The following ATG10 variants were observed in gnomAD, a reference collection of about 807,000 sequenced individuals.
ATG10 encodes the protein ubiquitin-like-conjugating enzyme ATG10.
A neutral mutation model predicts 32.1 loss-of-function variants in ATG10; 30 were observed. That is an observed-to-expected ratio of 0.94 (90% CI 0.70 to 1.27). ATG10 has a LOEUF of 1.27. Ranked by LOEUF, ATG10 falls within the 50% of genes most tolerant of loss-of-function variation. ATG10 has a pLI of 0.00. For synonymous variants in ATG10, 87 were observed against 91.5 expected (o/e 0.95, Z 0.28); for missense variants, 233 against 262.3 (o/e 0.89, Z 0.77).
chr5:82,135,160 C>A (rs149774766), intron 3 of ATG10, among the ~76,000 whole-genome samples: 5,279 of 152,106 alleles, frequency 0.035, 124 homozygotes, highest in Middle Eastern at 0.051. Context: ...TTTTGTTAAT[C>A]TTTTCAGAAA....
chr5:82,143,233 A>G (rs1767221118), intron 3 of ATG10, among the ~76,000 whole-genome samples: 1 of 152,254 alleles, frequency 6.6e-6, no homozygotes, highest in African/African-American at 2.4e-5. Context: ...CAAAGTTTTT[A>G]TCAGGGCCTT....
intron 5 of ATG10, among the ~76,000 whole-genome samples, chr5:82,187,638 G>T (rs1486466283): frequency 6.6e-6 from 1 of 151,650 alleles, no homozygotes; most frequent in African/African-American, 2.4e-5. Context: ...GAGTGCAGTG[G>T]CGCGATCTCT....
chr5:82,110,369 T>G (rs914536547), intron 3 of ATG10, among the ~76,000 whole-genome samples: 9 of 152,206 alleles, frequency 5.9e-5, no homozygotes, highest in Admixed American at 1.3e-4. Flanking sequence ...CCTGAGGCAT[T>G]GCCACACTGT....
At chr5:82,214,050 A>G (rs1334425936) in intron 5 of ATG10, among the ~76,000 whole-genome samples, 3 of 152,210 alleles carry the variant, frequency 2.0e-5, no homozygotes, top group Non-Finnish European at 4.4e-5. Context: ...CGTCATGTCC[A>G]TGTACTACCT....
intron 5 of ATG10, among the ~76,000 whole-genome samples, chr5:82,219,346 A>G (rs1745827279): frequency 6.6e-6 from 1 of 152,178 alleles, no homozygotes; most frequent in Non-Finnish European, 1.5e-5. Context: ...TTTCACACAG[A>G]GAATTAATTA....
At chr5:82,125,926 A>T (rs928664957) in intron 3 of ATG10, among the ~76,000 whole-genome samples, 22 of 151,994 alleles carry the variant, frequency 1.4e-4, no homozygotes, top group African/African-American at 2.4e-5. Context: ...GTTTTTTTCT[A>T]TTTGTTCGTG....
At chr5:81,984,321 G>A (rs1172968221) in intron 1 of ATG10, among the ~76,000 whole-genome samples, 3 of 152,244 alleles carry the variant, frequency 2.0e-5, no homozygotes, top group South Asian at 2.1e-4. Context: ...CAGGCACTCC[G>A]CAGGCTGAGG....
chr5:82,190,572 A>G (rs1744617169), intron 5 of ATG10, among the ~76,000 whole-genome samples: 1 of 151,896 alleles, frequency 6.6e-6, no homozygotes, highest in Non-Finnish European at 1.5e-5. Flanking sequence ...AGAGATCGAG[A>G]CCATCCTGGC....
chr5:82,081,438 GT>G (rs1764478629), intron 3 of ATG10, among the ~76,000 whole-genome samples: 1 of 152,180 alleles, frequency 6.6e-6, no homozygotes, highest in African/African-American at 2.4e-5. Flanking sequence ...TCTTGTGCCA[GT>G]TTTCAAAGGG....
At chr5:82,024,354 G>A (rs988338481) in intron 2 of ATG10, among the ~76,000 whole-genome samples, 2 of 152,192 alleles carry the variant, frequency 1.3e-5, no homozygotes, top group African/African-American at 2.4e-5. Context: ...TCAAAGCGTG[G>A]CCTACACTGG....
Position 82,104,651 on chromosome 5 carries a change from A to G in ATG10, c.216+46049A>G, listed in dbSNP as rs1487026009. On this transcript the variant is annotated intron_variant, in intron 3 of 7. Transcript: ENST00000282185. ...AAGGCAAGAGAAAGAGCAGAGAGTT[A>G]CAATAATTTAAAACTCAATAGTTTT... Among the ~76,000 whole-genome samples the G allele has an allele frequency of 2.0e-5, 3 of 152,158 alleles. No individual in the cohort carries two copies. In the East Asian group the frequency reaches 5.8e-4, roughly 29 times the overall value.
At chr5:82,134,013 T>C (rs1388373079) in intron 3 of ATG10, among the ~76,000 whole-genome samples, 1 of 135,424 alleles carries the variant, frequency 7.4e-6, no homozygotes, top group Non-Finnish European at 1.6e-5. Flanking sequence ...ATGATTTGGC[T>C]CTCTGTTTGT....
chr5:82,001,632 A>G (rs76102411), intron 2 of ATG10, among the ~76,000 whole-genome samples: 1 of 152,122 alleles, frequency 6.6e-6, no homozygotes, highest in African/African-American at 2.4e-5. Flanking sequence ...TACACCATAT[A>G]AAAAATCGAC....
intron 1 of ATG10, among the ~76,000 whole-genome samples, chr5:81,974,932 T>C (rs1349370575): frequency 6.6e-6 from 1 of 152,214 alleles, no homozygotes; most frequent in Non-Finnish European, 1.5e-5. Context: ...CTTCTATTTC[T>C]TTCTTTCTAT....
At position 81,987,671 on chromosome 5, in the gene ATG10, C is replaced by T. The variant is rs756077674; in HGVS notation, c.101C>T (p.Pro34Leu). ...ATAGGTGATAGTTGGGAATGGAGAC[C>T]ATCAAAGGTAAGAATGGAAATGTTT... is the stretch of plus-strand genomic sequence containing the variant. ...QQIGDSWEWR[P>L]SKDCSDGYMC... The change falls in exon 2 of 8, where the codon CCA (proline) becomes CTA (leucine). Residue 34 changes from proline (P) to leucine (L), a missense_variant. Coordinates refer to ENST00000282185, the MANE Select transcript of ATG10 (RefSeq NM_031482.5). 1.3e-6 allele frequency: 2 copies of T among 1,599,844 alleles called. No individual in the cohort carries two copies. The highest frequency in any genetic ancestry group is 2.3e-5 in the South Asian group (2 of 88,622).
rs142060735 is a variant in ATG10, at chr5:82,155,679, A to T, written c.217-8720A>T. ...ATATGGGGAACAAATAAATTTATTCATATTATATAAAAATAATGACTCTTT... is the reference window on the plus strand; with the variant it reads ...ATATGGGGAACAAATAAATTTATTCTTATTATATAAAAATAATGACTCTTT... On this transcript the variant is annotated intron_variant, in intron 3 of 7. Coordinates refer to ENST00000282185, the MANE Select transcript of ATG10 (RefSeq NM_031482.5). 2.4e-4 allele frequency among the ~76,000 whole-genome samples: 36 copies of T among 152,344 alleles called. No individual in the cohort carries two copies. In the East Asian group the frequency reaches 6.9e-3, roughly 29 times the overall value.
At chr5:82,137,297 G>A (rs1446693181) in intron 3 of ATG10, among the ~76,000 whole-genome samples, 1 of 151,684 alleles carries the variant, frequency 6.6e-6, no homozygotes, top group South Asian at 2.1e-4. Flanking sequence ...AGGCATTCTG[G>A]TTTTTGGAAT....
chr5:82,155,684 A>T (rs1464634239), intron 3 of ATG10, among the ~76,000 whole-genome samples: 4 of 152,214 alleles, frequency 2.6e-5, no homozygotes, highest in Non-Finnish European at 4.4e-5. Flanking sequence ...TATTCATATT[A>T]TATAAAAATA....
rs567315875 is a variant in ATG10, at chr5:82,055,701, T to A, written c.109-2794T>A. Among the ~76,000 whole-genome samples the A allele has an allele frequency of 4.6e-5, 7 of 152,280 alleles. No homozygotes were observed. In the East Asian group the frequency reaches 1.3e-3, roughly 29 times the overall value. On this transcript the variant is annotated intron_variant, in intron 2 of 7. Transcript: ENST00000282185. Reference sequence around the variant, plus strand: ...TAGATCATTTTGAAATTGCAGACTTTGGGTAATTTTTCTCTCAAACACATG... The same window carrying A: ...TAGATCATTTTGAAATTGCAGACTTAGGGTAATTTTTCTCTCAAACACATG...
Sources: allele counts gnomAD v4.1 joint callset (sites outside exome capture counted in the v4.1 genomes callset), GRCh38; gene constraint gnomAD v4.1.1; transcripts MANE v1.5; gene names NCBI Gene and HGNC (gene_info 2026-07-23, HGNC 2026-07-21).